Variants in OSBPL10 observed in about 807,000 individuals in gnomAD.
OSBPL10 encodes the protein oxysterol-binding protein-related protein 10.
Under a neutral mutation model 81.7 loss-of-function variants are expected in OSBPL10, and 49 were observed. The observed-to-expected ratio is 0.60, with a 90% CI of 0.48 to 0.76. The LOEUF is 0.76. Among genes scored for constraint, OSBPL10 ranks in the 30% least tolerant of loss-of-function variants. OSBPL10 has a pLI of 0.00. For missense variants in OSBPL10, 923 were observed against 987.8 expected, an observed-to-expected ratio of 0.93 and a Z score of 0.88; for synonymous variants, 419 against 383.6, an observed-to-expected ratio of 1.09 and a Z score of -1.08.
chr3:31,967,461 C>G (rs1698432590), intron 1 of OSBPL10, among the ~76,000 whole-genome samples: 1 of 150,582 alleles, frequency 6.6e-6, no homozygotes, highest in South Asian at 2.1e-4. Flanking sequence ...GCGTGGACAA[C>G]AGAGCAACAC....
chr3:31,823,573 C>G (rs1437103099), intron 4 of OSBPL10, among the ~76,000 whole-genome samples: 1 of 152,068 alleles, frequency 6.6e-6, no homozygotes, highest in African/African-American at 2.4e-5. Context: ...CCCAACCTGT[C>G]CACAGCCCAG....
At position 32,026,080 on chromosome 3, in the gene OSBPL10, TAGATAGATAGATGATA is replaced by T. The variant is rs1222278145; in HGVS notation, n.298+20395_298+20410del. Among the ~76,000 whole-genome samples the T allele has an allele frequency of 4.5e-5, 5 of 111,206 alleles. No individual in the cohort carries two copies. The South Asian group carries it at 1.4e-3, about 30-fold the overall frequency. 73.0% of individuals were successfully genotyped at this position (111,206 alleles called of 152,430 possible). ...GATGATAGATAGATAGATAGATAGATAGATAGATAGATGATAGATAGATAGAGATAGAGATAGAGAC... is the reference window on the plus strand; with the variant it reads ...GATGATAGATAGATAGATAGATAGATGATAGATAGAGATAGAGATAGAGAC... On this transcript the variant is annotated intron_variant and non_coding_transcript_variant, in intron 2 of 3. Coordinates refer to the OSBPL10 transcript ENST00000479173.
At chr3:31,687,922 ATAAT>A (rs375236352) in intron 7 of OSBPL10, among the ~76,000 whole-genome samples, 2 of 149,108 alleles carry the variant, frequency 1.3e-5, no homozygotes, top group Non-Finnish European at 3.0e-5. Flanking sequence ...AATAATAATA[ATAAT>A]TTTTTTAAAA....
chr3:31,662,761 T>C, intron 11 of OSBPL10: 1 of 985,382 alleles, frequency 1.0e-6, no homozygotes, highest in Non-Finnish European at 1.2e-6. Flanking sequence ...CTGTAAATGT[T>C]TTTTCTTGTT....
At chr3:31,709,313 C>T (rs1033243042) in intron 6 of OSBPL10, 1 of 152,300 alleles carries the variant, frequency 6.6e-6, no homozygotes, top group Non-Finnish European at 1.5e-5. Flanking sequence ...AGGACAGATG[C>T]TCTTCCTGAG....
At chr3:31,872,903 C>G (rs549685801) in intron 3 of OSBPL10, among the ~76,000 whole-genome samples, 10 of 152,234 alleles carry the variant, frequency 6.6e-5, no homozygotes, top group Middle Eastern at 3.4e-3. Context: ...GGATTACAGG[C>G]GTGAGCCACC....
chr3:31,803,043 G>T (rs1032267329), intron 4 of OSBPL10, among the ~76,000 whole-genome samples: 1 of 145,134 alleles, frequency 6.9e-6, no homozygotes, highest in Admixed American at 7.1e-5. Context: ...CTACAAAGTG[G>T]CTTTTCTAAA....
chr3:32,053,078 C>G (rs1370080903), intron 1 of OSBPL10, among the ~76,000 whole-genome samples: 1 of 152,176 alleles, frequency 6.6e-6, no homozygotes, highest in Non-Finnish European at 1.5e-5. Context: ...AAGAGTCAGA[C>G]CTTATCTGCA....
At chr3:32,075,358 A>C (rs1699864779) in intron 1 of OSBPL10, among the ~76,000 whole-genome samples, 1 of 152,218 alleles carries the variant, frequency 6.6e-6, no homozygotes, top group African/African-American at 2.4e-5. Flanking sequence ...GATAGAGCCC[A>C]AAAACTCACC....
At chr3:32,030,788 C>T (rs1250198431) in intron 2 of OSBPL10, 2 of 581,936 alleles carry the variant, frequency 3.4e-6, no homozygotes, top group African/African-American at 3.8e-5. Flanking sequence ...TTTGGAAACA[C>T]ATTTTCTCCA....
At position 31,946,132 on chromosome 3, in the gene OSBPL10, C is replaced by T. The variant is rs981086927; in HGVS notation, c.281+34767G>A. 2.0e-4 allele frequency among the ~76,000 whole-genome samples: 30 copies of T among 152,132 alleles called. 1 individual carries two copies. Among genetic ancestry groups the T allele is most frequent in the Admixed American group, 1.7e-3 (26 of 15,282 alleles). Reference sequence around the variant, plus strand: ...AGTAGCTGGGATTACAGGCACGTGCCACCATGCCCGGCTAATTTTTGTATT... The same window carrying T: ...AGTAGCTGGGATTACAGGCACGTGCTACCATGCCCGGCTAATTTTTGTATT... On this transcript the variant is annotated intron_variant, in intron 1 of 11. Coordinates refer to ENST00000396556, the MANE Select transcript of OSBPL10 (RefSeq NM_017784.5).
At chr3:31,738,200 T>A (rs11129461) in intron 5 of OSBPL10, among the ~76,000 whole-genome samples, 1 of 151,784 alleles carries the variant, frequency 6.6e-6, no homozygotes, top group Non-Finnish European at 1.5e-5. Context: ...GGGAAAAAAA[T>A]GCACATCTAG....
At chr3:31,701,512 G>A (rs890535159) in intron 7 of OSBPL10, among the ~76,000 whole-genome samples, 2 of 152,096 alleles carry the variant, frequency 1.3e-5, no homozygotes, top group Non-Finnish European at 1.5e-5. Flanking sequence ...TCCTCCGCAC[G>A]CCTCATGCGA....
intron 4 of OSBPL10, among the ~76,000 whole-genome samples, chr3:31,773,019 C>T (rs17028289): frequency 0.066 from 9,458 of 143,684 alleles, 621 homozygotes; most frequent in African/African-American, 0.18. Flanking sequence ...TTTTTTTTGG[C>T]TTTCAGTCCC....
intron 4 of OSBPL10, among the ~76,000 whole-genome samples, chr3:31,810,995 G>A (rs1699664486): frequency 6.6e-6 from 1 of 152,198 alleles, no homozygotes; most frequent in Admixed American, 6.5e-5. Flanking sequence ...TAAGTTTCCA[G>A]GTGTCGAGGA....
intron 6 of OSBPL10, among the ~76,000 whole-genome samples, chr3:31,723,737 C>G (rs1028226140): frequency 1.2e-4 from 19 of 152,304 alleles, no homozygotes; most frequent in Admixed American, 5.2e-4. Flanking sequence ...TTAACTCAGG[C>G]AAAGCCCAAA....
intron 4 of OSBPL10, among the ~76,000 whole-genome samples, chr3:31,755,319 A>G (rs368548463): frequency 6.6e-6 from 1 of 152,228 alleles, no homozygotes; most frequent in East Asian, 1.9e-4. Context: ...CCTTTCAAAG[A>G]TGTGTAAGTG....
At chr3:31,747,487 T>TCAAAA (rs1553620893) in intron 5 of OSBPL10, among the ~76,000 whole-genome samples, 1,344 of 96,728 alleles carry the variant, frequency 0.014, 4 homozygotes, top group East Asian at 0.019. Flanking sequence ...AATCTTCAAA[T>TCAAAA]AAAAAAAAAA....
At chr3:31,935,586 T>A (rs1697362987) in intron 1 of OSBPL10, among the ~76,000 whole-genome samples, 2 of 151,792 alleles carry the variant, frequency 1.3e-5, no homozygotes, top group African/African-American at 4.8e-5. Context: ...TGCAGTGGTA[T>A]GATCTTGGCT....
Sources: allele counts gnomAD v4.1 joint callset (sites outside exome capture counted in the v4.1 genomes callset), GRCh38; gene constraint gnomAD v4.1.1; transcripts MANE v1.5; gene names NCBI Gene and HGNC (gene_info 2026-07-23, HGNC 2026-07-21).